Variants in NOL4 observed in about 807,000 individuals in gnomAD.
The protein encoded by NOL4 is nucleolar protein 4.
A neutral mutation model predicts 75.9 loss-of-function variants in NOL4; 17 were observed. The ratio of observed to expected loss-of-function variants is 0.22; its 90% CI spans 0.15 to 0.34. NOL4 has a LOEUF of 0.34. Ranked by LOEUF, NOL4 falls within the 10% of genes least tolerant of loss-of-function variation. NOL4 has a pLI of 1.00. For missense variants in NOL4, 614 were observed against 793.5 expected, an observed-to-expected ratio of 0.77 and a Z score of 2.72; for synonymous variants, 292 against 289.9, an observed-to-expected ratio of 1.01 and a Z score of -0.07.
chr18:34,113,155 T>G (rs531649791), intron 2 of NOL4, among the ~76,000 whole-genome samples: 3 of 152,100 alleles, frequency 2.0e-5, no homozygotes, highest in South Asian at 2.1e-4. Flanking sequence ...TGTTTTGTTT[T>G]GTTTGGTGAA....
intron 1 of NOL4, among the ~76,000 whole-genome samples, chr18:34,213,799 C>T (rs888321578): frequency 3.9e-5 from 6 of 152,132 alleles, no homozygotes; most frequent in East Asian, 1.9e-4. Context: ...TCTGTTATAA[C>T]AACACAAAAT....
chr18:34,213,185 C>T (rs544834362), intron 1 of NOL4, among the ~76,000 whole-genome samples: 2 of 152,262 alleles, frequency 1.3e-5, no homozygotes, highest in East Asian at 1.9e-4. Context: ...ATGTGTTCCC[C>T]GAAGTTCCTG....
At chr18:33,948,303 A>G (rs74631094) in intron 8 of NOL4, among the ~76,000 whole-genome samples, 5,974 of 151,918 alleles carry the variant, frequency 0.039, 144 homozygotes, top group Middle Eastern at 0.068. Context: ...TTCCTCCTAA[A>G]CTTGTTACTT....
At chr18:33,936,264 TAAAAC>T in intron 9 of NOL4, among the ~76,000 whole-genome samples, 1 of 152,134 alleles carries the variant, frequency 6.6e-6, no homozygotes, top group Non-Finnish European at 1.5e-5. Flanking sequence ...AGTATCCTAA[TAAAAC>T]AAAGAAAAAT....
chr18:34,110,125 C>T (rs1179492864), intron 2 of NOL4, among the ~76,000 whole-genome samples: 1 of 116,016 alleles, frequency 8.6e-6, no homozygotes, highest in Non-Finnish European at 1.8e-5. Flanking sequence ...CCCCGCCCTC[C>T]CACAAAAAAA....
At chr18:34,156,432 T>C (rs1156713226) in intron 1 of NOL4, among the ~76,000 whole-genome samples, 1 of 152,172 alleles carries the variant, frequency 6.6e-6, no homozygotes, top group Non-Finnish European at 1.5e-5. Flanking sequence ...GCCTACTTTC[T>C]TAACTATTGT....
At chr18:33,978,231 C>T (rs960777183) in intron 6 of NOL4, among the ~76,000 whole-genome samples, 9 of 151,968 alleles carry the variant, frequency 5.9e-5, no homozygotes, top group Non-Finnish European at 1.0e-4. Flanking sequence ...ATATGTCTAC[C>T]TTTTCTAGAA....
At chr18:34,074,158 T>A (rs1211199747) in intron 5 of NOL4, among the ~76,000 whole-genome samples, 1 of 151,872 alleles carries the variant, frequency 6.6e-6, no homozygotes, top group Non-Finnish European at 1.5e-5. Flanking sequence ...ATTTTTGGAA[T>A]ATTTTGGTAA....
chr18:33,970,783 T>C (rs1322743158), intron 6 of NOL4, among the ~76,000 whole-genome samples: 1 of 152,012 alleles, frequency 6.6e-6, no homozygotes, highest in Admixed American at 6.6e-5. Flanking sequence ...GGCAACTTTG[T>C]ATGTTATTTC....
At chr18:33,977,740 T>C (rs2071616993) in intron 6 of NOL4, among the ~76,000 whole-genome samples, 1 of 152,224 alleles carries the variant, frequency 6.6e-6, no homozygotes, top group Admixed American at 6.5e-5. Flanking sequence ...TATTCTTAAA[T>C]TAAATTATAT....
In NOL4 at chr18:33,875,869, G is replaced by A. The variant is rs193055214; in HGVS notation, c.1723+7375C>T. Among the ~76,000 whole-genome samples the A allele has an allele frequency of 6.2e-3, 949 of 152,018 alleles. 6 individuals are homozygous for A. Among genetic ancestry groups the A allele is most frequent in the Middle Eastern group, 0.048 (14 of 294 alleles). On this transcript the variant is annotated intron_variant, in intron 10 of 10. Transcript: ENST00000261592. ...TTTCAAGGAATGCATATGTATAATG[G>A]GAAATTTTCTTGAAAATGTATCTCT...
chr18:34,115,933 A>G (rs1412078726), intron 2 of NOL4, among the ~76,000 whole-genome samples: 2 of 152,084 alleles, frequency 1.3e-5, no homozygotes, highest in African/African-American at 2.4e-5. Context: ...TTCATAACTT[A>G]CCACTTGTAA....
intron 1 of NOL4, among the ~76,000 whole-genome samples, chr18:34,182,370 A>C (rs2034112622): frequency 6.6e-6 from 1 of 151,664 alleles, no homozygotes; most frequent in South Asian, 2.1e-4. Flanking sequence ...TTAAGATAGA[A>C]AGTTGAATAG....
chr18:34,095,245 A>ATG (rs761927350), intron 4 of NOL4, among the ~76,000 whole-genome samples: 55 of 94,328 alleles, frequency 5.8e-4, no homozygotes, highest in African/African-American at 1.7e-3. Flanking sequence ...CTAAATTCTA[A>ATG]TGTGTATGTG....
intron 5 of NOL4, among the ~76,000 whole-genome samples, chr18:34,057,279 CAT>C (rs1477070388): frequency 6.6e-6 from 1 of 152,186 alleles, no homozygotes; most frequent in Non-Finnish European, 1.5e-5. Flanking sequence ...AAAATTCACA[CAT>C]GTGCATATGT....
chr18:34,136,291 T>C (rs988521121), intron 1 of NOL4, among the ~76,000 whole-genome samples: 1 of 152,166 alleles, frequency 6.6e-6, no homozygotes, highest in Admixed American at 6.5e-5. Context: ...CAAACAAGAA[T>C]GTGTGCTCTA....
intron 9 of NOL4, among the ~76,000 whole-genome samples, chr18:33,891,916 T>A (rs543328025): frequency 6.6e-6 from 1 of 152,186 alleles, no homozygotes; most frequent in African/African-American, 2.4e-5. Context: ...ATTTGCATTA[T>A]TAATGTTTTT....
chr18:33,874,058 G>C (rs1358406590), intron 10 of NOL4, among the ~76,000 whole-genome samples: 6 of 151,920 alleles, frequency 3.9e-5, no homozygotes, highest in African/African-American at 1.4e-4. Flanking sequence ...TGGATGTCTA[G>C]ATCATGGTAG....
At chr18:33,872,250 C>A (rs752327511) in intron 10 of NOL4, among the ~76,000 whole-genome samples, 1 of 151,922 alleles carries the variant, frequency 6.6e-6, no homozygotes, top group Non-Finnish European at 1.5e-5. Context: ...CAATTAAATT[C>A]TTTTAAAATT....
Sources: gnomAD v4.1 joint callset for allele counts (sites outside exome capture counted in the v4.1 genomes callset) on GRCh38, gnomAD v4.1.1 for gene constraint, MANE v1.5 for transcripts, NCBI Gene and HGNC (gene_info 2026-07-23, HGNC 2026-07-21) for gene names.